The following KLF8 variants were observed in gnomAD, a reference collection of about 807,000 sequenced individuals.
KLF8 encodes the protein Krueppel-like factor 8.
A neutral mutation model predicts 18.2 loss-of-function variants in KLF8; 10 were observed. The observed-to-expected ratio is 0.55, with a 90% confidence interval of 0.34 to 0.93. The LOEUF (loss-of-function observed/expected upper bound fraction) is 0.93. Ranked by LOEUF, KLF8 falls within the 40% of genes least tolerant of loss-of-function variation. The pLI is 0.02. For missense variants in KLF8, 264 were observed against 277.9 expected (o/e 0.95, Z 0.36); for synonymous variants, 109 against 97.3 (o/e 1.12, Z -0.71).
At chrX:56,269,113 C>G in intron 3 of KLF8, 2 of 935,628 alleles carry the variant, frequency 2.1e-6, no homozygotes, top group African/African-American at 4.1e-5. Context: ...TAGAGACACT[C>G]TCATTTGATA....
chrX:56,283,870 T>C (rs1024158531), intron 5 of KLF8, among the ~76,000 whole-genome samples: 3 of 112,095 alleles, frequency 2.7e-5, no homozygotes, highest in African/African-American at 9.7e-5. Context: ...AGTGATTATA[T>C]AAGATCACAC....
chrX:55,944,108 A>G, the KLF8 span, among the ~76,000 whole-genome samples: 235 of 110,923 alleles, frequency 2.1e-3, no homozygotes, highest in Non-Finnish European at 3.6e-3. Flanking sequence ...TTTGTCTTTG[A>G]TTCTGTTTAT....
At chrX:55,987,828 A>G in the KLF8 span, among the ~76,000 whole-genome samples, 2 of 111,713 alleles carry the variant, frequency 1.8e-5, no homozygotes, top group African/African-American at 3.3e-5. Context: ...CAGTGTAAAA[A>G]TGTTCCTATT....
the KLF8 span, among the ~76,000 whole-genome samples, chrX:55,940,863 T>C: frequency 9.0e-6 from 1 of 111,359 alleles, no homozygotes; most frequent in Admixed American, 9.5e-5. Context: ...CACTGCTCAA[T>C]GAAATAAAAG....
chrX:56,185,239 G>A, the KLF8 span, among the ~76,000 whole-genome samples: 13 of 112,166 alleles, frequency 1.2e-4, no homozygotes, highest in African/African-American at 4.2e-4. Context: ...AGAAACCTCA[G>A]GAGCCAACAA....
the KLF8 span, among the ~76,000 whole-genome samples, chrX:56,082,630 A>G: frequency 1.1e-3 from 121 of 110,373 alleles, 1 homozygote; most frequent in Non-Finnish European, 2.1e-3. Flanking sequence ...TTCATACATC[A>G]CATAAGCTCC....
chrX:56,055,914 G>A, the KLF8 span, among the ~76,000 whole-genome samples: 6 of 111,537 alleles, frequency 5.4e-5, no homozygotes, highest in African/African-American at 1.6e-4. Context: ...AGCTCTATTA[G>A]TTCAGTTATA....
the KLF8 span, among the ~76,000 whole-genome samples, chrX:56,190,501 A>G: frequency 9.0e-6 from 1 of 111,553 alleles, no homozygotes; most frequent in Non-Finnish European, 1.9e-5. Context: ...ATTACAGAAC[A>G]TTTCATCCAA....
At chrX:55,965,186 T>A in the KLF8 span, among the ~76,000 whole-genome samples, 2 of 112,136 alleles carry the variant, frequency 1.8e-5, no homozygotes, top group South Asian at 7.5e-4. Flanking sequence ...AGAAAGCTGG[T>A]CTACCATGAT....
chrX:56,223,833 G>A, the KLF8 span, among the ~76,000 whole-genome samples: 2 of 112,735 alleles, frequency 1.8e-5, no homozygotes, highest in African/African-American at 6.4e-5. Context: ...TCTCTAGGGA[G>A]AAAAGCACAA....
chrX:56,061,111 A>T, the KLF8 span, among the ~76,000 whole-genome samples: 2 of 111,718 alleles, frequency 1.8e-5, no homozygotes, highest in Non-Finnish European at 3.8e-5. Flanking sequence ...TTTTCAAAAA[A>T]CCAGCTCCTG....
At chrX:56,143,700 GAT>G in the KLF8 span, among the ~76,000 whole-genome samples, 1 of 111,788 alleles carries the variant, frequency 8.9e-6, no homozygotes, top group Non-Finnish European at 1.9e-5. Flanking sequence ...AAATCTCAGT[GAT>G]GGAATGAGAG....
At chrX:56,106,345 A>G in the KLF8 span, among the ~76,000 whole-genome samples, 1 of 112,149 alleles carries the variant, frequency 8.9e-6, no homozygotes, top group Non-Finnish European at 1.9e-5. Context: ...CATCACTTTC[A>G]GGTACACCAA....
chrX:56,066,211 G>A, the KLF8 span, among the ~76,000 whole-genome samples: 2 of 112,198 alleles, frequency 1.8e-5, no homozygotes, highest in African/African-American at 3.2e-5. Context: ...GTGTGGGTGG[G>A]TGCCAGCTGC....
the KLF8 span, among the ~76,000 whole-genome samples, chrX:56,155,168 T>G: frequency 1.8e-5 from 2 of 111,580 alleles, no homozygotes; most frequent in East Asian, 5.6e-4. Context: ...ATATTTATTG[T>G]GGCACTATTC....
At chrX:56,267,776 A>G (rs1252616212) in intron 3 of KLF8, 1 of 111,986 alleles carries the variant, frequency 8.9e-6, no homozygotes, top group Non-Finnish European at 1.9e-5. Context: ...TAATAAATGC[A>G]TTACCTCATT....
chrX:56,081,678 TG>T, the KLF8 span, among the ~76,000 whole-genome samples: 2 of 112,068 alleles, frequency 1.8e-5, no homozygotes, highest in African/African-American at 6.5e-5. Flanking sequence ...GGTAGTTTTT[TG>T]TTATGAAAGT....
the KLF8 span, among the ~76,000 whole-genome samples, chrX:55,931,547 T>C: frequency 8.9e-6 from 1 of 112,058 alleles, no homozygotes; most frequent in South Asian, 3.7e-4. Context: ...TTTAGCTGTG[T>C]TCCAGAGATT....
At chrX:55,974,192 G>T in the KLF8 span, among the ~76,000 whole-genome samples, 1 of 111,255 alleles carries the variant, frequency 9.0e-6, no homozygotes, top group African/African-American at 3.3e-5. Flanking sequence ...TTGAGAGAGA[G>T]GGTGGGAGGA....
Sources: gnomAD v4.1 joint callset for allele counts (sites outside exome capture counted in the v4.1 genomes callset) on GRCh38, gnomAD v4.1.1 for gene constraint, MANE v1.5 for transcripts, NCBI Gene and HGNC (gene_info 2026-07-23, HGNC 2026-07-21) for gene names.